The following DGKI variants were observed in gnomAD, a reference collection of about 807,000 sequenced individuals.
DGKI encodes diacylglycerol kinase iota, also known as DAG kinase iota.
Under a neutral mutation model 147.5 loss-of-function variants are expected in DGKI, and 55 were observed. The ratio of observed to expected loss-of-function variants is 0.37; its 90% CI spans 0.30 to 0.47. The LOEUF is 0.47. Among genes scored for constraint, DGKI ranks in the 20% least tolerant of loss-of-function variants. The probability of loss-of-function intolerance (pLI) is 1.00; values close to 1 mark genes in which losing one functional copy is unlikely to be tolerated. For missense variants in DGKI, 1,007 were observed against 1,323.8 expected (o/e 0.76, Z 3.71); for synonymous variants, 469 against 477.1 (o/e 0.98, Z 0.22).
At chr7:137,557,771 C>G (rs909677454) in intron 19 of DGKI, among the ~76,000 whole-genome samples, 4 of 152,172 alleles carry the variant, frequency 2.6e-5, no homozygotes, top group Non-Finnish European at 5.9e-5. Context: ...CTCCAACTCT[C>G]CTGGAGCGAT....
At chr7:137,509,704 A>G (rs1816511060) in intron 21 of DGKI, among the ~76,000 whole-genome samples, 1 of 152,186 alleles carries the variant, frequency 6.6e-6, no homozygotes, top group South Asian at 2.1e-4. Context: ...CTAAAATACA[A>G]GAAAATGGTT....
chr7:137,400,313 C>G (rs1183358678), intron 30 of DGKI, among the ~76,000 whole-genome samples: 1 of 152,232 alleles, frequency 6.6e-6, no homozygotes, highest in African/African-American at 2.4e-5. Context: ...GAGCAGCCTA[C>G]ACTCATTAGT....
intron 1 of DGKI, among the ~76,000 whole-genome samples, chr7:137,836,287 A>T (rs3800672): frequency 0.11 from 17,491 of 152,174 alleles, 2,903 homozygotes; most frequent in African/African-American, 0.37. Context: ...AATGAGAAAG[A>T]ATGACTCAGG....
intron 28 of DGKI, among the ~76,000 whole-genome samples, chr7:137,425,057 C>T (rs910971056): frequency 5.9e-5 from 9 of 152,168 alleles, no homozygotes; most frequent in African/African-American, 2.2e-4. Context: ...CAGCATGCAG[C>T]TGGAGATCTG....
At position 137,512,833 on chromosome 7, in the gene DGKI, GA is replaced by G. The variant is rs775133853; in HGVS notation, c.2248+9032del. Among the ~76,000 whole-genome samples, 6 of 152,204 alleles carry G rather than the reference GA, an allele frequency of 3.9e-5. No homozygotes were observed. The East Asian group carries it at 1.2e-3, about 29-fold the overall frequency. On this transcript the variant is annotated intron_variant, in intron 21 of 32. Transcript: ENST00000614521. ...AGCCTTTAGGTCATAAACAGAATTAGATGGCAAAAAAGTTTATATTAATAAT... is the reference window on the plus strand; with the variant it reads ...AGCCTTTAGGTCATAAACAGAATTAGTGGCAAAAAAGTTTATATTAATAAT...
At chr7:137,509,822 G>A (rs1816516377) in intron 21 of DGKI, among the ~76,000 whole-genome samples, 1 of 152,270 alleles carries the variant, frequency 6.6e-6, no homozygotes, top group Middle Eastern at 3.4e-3. Context: ...CTCTCCAGGT[G>A]CCCATCGAAG....
chr7:137,749,703 G>A (rs1383149199), intron 1 of DGKI, among the ~76,000 whole-genome samples: 1 of 152,044 alleles, frequency 6.6e-6, no homozygotes, highest in Non-Finnish European at 1.5e-5. Flanking sequence ...TTTTTTTGAG[G>A]AATCAGGGTC....
chr7:137,511,842 C>T (rs1294646346), intron 21 of DGKI, among the ~76,000 whole-genome samples: 1 of 152,202 alleles, frequency 6.6e-6, no homozygotes, highest in African/African-American at 2.4e-5. Flanking sequence ...AGGCTGCTAC[C>T]TCACTCAAGG....
intron 3 of DGKI, among the ~76,000 whole-genome samples, chr7:137,674,603 T>C (rs780603989): frequency 3.3e-5 from 5 of 152,172 alleles, no homozygotes; most frequent in African/African-American, 4.8e-5. Context: ...CTCCAAGTTT[T>C]GTTTCAAAAA....
At chr7:137,465,451 G>T (rs1033652534) in intron 26 of DGKI, among the ~76,000 whole-genome samples, 28 of 152,144 alleles carry the variant, frequency 1.8e-4, no homozygotes, top group Admixed American at 1.3e-4. Flanking sequence ...ACTATGAAGC[G>T]GTGGTAGAAA....
At chr7:137,661,287 G>A (rs1328528930) in intron 3 of DGKI, among the ~76,000 whole-genome samples, 3 of 152,108 alleles carry the variant, frequency 2.0e-5, no homozygotes, top group Non-Finnish European at 2.9e-5. Flanking sequence ...GAGGCCAGAG[G>A]CTGCTGCAGG....
At chr7:137,399,844 A>T (rs183254028) in intron 30 of DGKI, among the ~76,000 whole-genome samples, 1 of 151,126 alleles carries the variant, frequency 6.6e-6, no homozygotes, top group Non-Finnish European at 1.5e-5. Flanking sequence ...CAGGAGGCAG[A>T]GGTTGCAGTG....
At chr7:137,491,403 T>A (rs994769455) in intron 21 of DGKI, among the ~76,000 whole-genome samples, 3 of 152,204 alleles carry the variant, frequency 2.0e-5, no homozygotes, top group African/African-American at 7.2e-5. Flanking sequence ...AAAACTCATC[T>A]CAATGGAATC....
chr7:137,640,179 T>C (rs1299326090), intron 6 of DGKI, among the ~76,000 whole-genome samples: 1 of 152,014 alleles, frequency 6.6e-6, no homozygotes, highest in Non-Finnish European at 1.5e-5. Flanking sequence ...TAATTCCCCA[T>C]TTCCCCCTCC....
At chr7:137,652,154 G>A (rs796640586) in intron 5 of DGKI, among the ~76,000 whole-genome samples, 2 of 152,120 alleles carry the variant, frequency 1.3e-5, no homozygotes, top group South Asian at 4.1e-4. Context: ...TTATTAGAGT[G>A]TGTTTATGCT....
At chr7:137,655,847 G>C (rs757576998) in intron 4 of DGKI, among the ~76,000 whole-genome samples, 1 of 152,198 alleles carries the variant, frequency 6.6e-6, no homozygotes, top group Non-Finnish European at 1.5e-5. Flanking sequence ...TGAAAGGAAA[G>C]AGGATGGCAG....
intron 28 of DGKI, among the ~76,000 whole-genome samples, chr7:137,426,158 G>A (rs1812794924): frequency 1.3e-5 from 2 of 152,194 alleles, no homozygotes; most frequent in South Asian, 4.1e-4. Context: ...AGGCAGGTTG[G>A]GTTACCCACA....
At chr7:137,492,982 C>T (rs67112765) in intron 21 of DGKI, among the ~76,000 whole-genome samples, 29,326 of 152,172 alleles carry the variant, frequency 0.19, 4,804 homozygotes, top group African/African-American at 0.46. Flanking sequence ...GCAGCATCCT[C>T]TGTACCACTT....
chr7:137,756,371 C>G (rs1256558025), intron 1 of DGKI, among the ~76,000 whole-genome samples: 1 of 152,166 alleles, frequency 6.6e-6, no homozygotes, highest in Non-Finnish European at 1.5e-5. Flanking sequence ...GTAAGCTACA[C>G]TAATAATCCC....
Sources: allele counts gnomAD v4.1 joint callset (sites outside exome capture counted in the v4.1 genomes callset), GRCh38; gene constraint gnomAD v4.1.1; transcripts MANE v1.5; gene names NCBI Gene and HGNC (gene_info 2026-07-23, HGNC 2026-07-21).